Variants in UPF2 observed in about 807,000 individuals in gnomAD.
The protein encoded by UPF2 is UPF2 regulator of nonsense mediated mRNA decay.
UPF2 carries 17 observed loss-of-function variants against 141.4 expected under a neutral mutation model. That is an observed-to-expected ratio of 0.12 (90% CI 0.08 to 0.18). The LOEUF (loss-of-function observed/expected upper bound fraction) is 0.18. Ranked by LOEUF, UPF2 falls within the 10% of genes least tolerant of loss-of-function variation. UPF2 has a pLI of 1.00. For missense variants in UPF2, 1,152 were observed against 1,515.9 expected, an observed-to-expected ratio of 0.76 and a Z score of 3.99; for synonymous variants, 540 against 498.0, an observed-to-expected ratio of 1.08 and a Z score of -1.12.
chr10:11,931,985 C>T lies in UPF2; in HGVS notation c.3547-203G>A, dbSNP rs1365649516. 1.3e-5 allele frequency among the ~76,000 whole-genome samples: 2 copies of T among 152,098 alleles called. No individual in the cohort carries two copies. The highest frequency in any genetic ancestry group is 1.3e-4 in the Admixed American group (2 of 15,272). On this transcript the variant is annotated intron_variant, in intron 19 of 21. Transcript: ENST00000357604. The surrounding 1 kb of genome is among the most constrained non-coding windows in gnomAD (Gnocchi z 5.9). ...CCAACATGATGAAACCCCGTCTTTA[C>T]TAAAAACACAAAAATTAGCTGGGTG...
At position 12,035,247 on chromosome 10, in the gene UPF2, T is replaced by C; in HGVS notation, c.177A>G (p.Arg59=). 1 of 1,613,808 alleles carries C rather than the reference T, an allele frequency of 6.2e-7. No individual in the cohort carries two copies. The highest frequency in any genetic ancestry group is 1.7e-4 in the Middle Eastern group (1 of 6,060). The part of the protein sequence containing the change: ...VSKAPEDKKK[R]LEDDKRKKED... ...CCTTTTTTCTCTTATCATCTTCCAG[T>C]CTCTTCTTCTTGTCTTCAGGGGCCT... Residue 59 remains arginine, a synonymous_variant, in exon 2 of 22, where the codon AGA becomes AGG. Transcript: ENST00000357604.
chr10:11,959,244 T>C lies in UPF2; in HGVS notation c.2297A>G (p.Lys766Arg), dbSNP rs778268010. ...ATATTCCTGGAGAGGAGGACGTTTC[T>C]TTTTCACGGTTTTTTCAGCTGGAGG... is the stretch of plus-strand genomic sequence containing the variant. Reference protein sequence around the residue: ...NPPPAEKTVKKKRPPLQEYVR... With the variant: ...NPPPAEKTVKRKRPPLQEYVR... Residue 766 changes from lysine (K) to arginine (R), a missense_variant, in exon 12 of 22, where the codon AAG (lysine) becomes AGG (arginine). Lys to Arg is a conservative substitution (Grantham distance 26). Around this residue, in one of 4 missense-constraint regions of UPF2, gnomAD observed 739 missense variants for 1,032.2 expected, o/e 0.72. Transcript: ENST00000357604. This position sits in a 1 kb window ranked among gnomAD's most constrained non-coding sequence, Gnocchi z 5.9. The C allele has an allele frequency of 6.2e-7, 1 of 1,613,856 alleles. No homozygotes were observed. The highest frequency in any genetic ancestry group is 1.7e-5 in the Admixed American group (1 of 59,920).
Position 12,001,817 on chromosome 10 carries a change from CT to C in UPF2, c.1512del (p.Glu505AsnfsTer21). ...ESNKDDTKEA[K>X]ESKENKEVSS... The stretch of plus-strand genomic sequence containing the variant: ...GATACCTCCTTATTCTCCTTAGATT[CT>C]TTTGCCTCTGTTGAAAAACAAACAA... On this transcript the variant is annotated frameshift_variant, in exon 6 of 22. Transcript: ENST00000357604. LOFTEE classifies it high-confidence loss of function. The C allele has an allele frequency of 6.3e-7, 1 of 1,588,558 alleles. No homozygotes were observed.
chr10:11,981,615 G>A (rs1833595212), intron 8 of UPF2, among the ~76,000 whole-genome samples: 1 of 152,122 alleles, frequency 6.6e-6, no homozygotes, highest in African/African-American at 2.4e-5. Flanking sequence ...CTGTCACATG[G>A]AAAATGCACA....
intron 2 of UPF2, among the ~76,000 whole-genome samples, chr10:12,030,496 C>G (rs767837244): frequency 1.3e-4 from 19 of 151,464 alleles, no homozygotes; most frequent in Non-Finnish European, 2.2e-4. Flanking sequence ...GCCAAGATCT[C>G]CCAACTGCAC....
At chr10:11,985,232 T>C (rs757508399) in intron 8 of UPF2, among the ~76,000 whole-genome samples, 1 of 152,260 alleles carries the variant, frequency 6.6e-6, no homozygotes, top group Non-Finnish European at 1.5e-5. Flanking sequence ...ACCACCCTGC[T>C]CTATTTAAAT....
Position 12,019,345 on chromosome 10 carries a change from T to A in UPF2, c.1146-5161A>T, listed in dbSNP as rs1228857559. 2.0e-5 allele frequency among the ~76,000 whole-genome samples: 3 copies of A among 152,236 alleles called. No individual in the cohort carries two copies. The highest frequency in any genetic ancestry group is 6.5e-5 in the Admixed American group (1 of 15,282). On this transcript the variant is annotated intron_variant, in intron 3 of 21. Coordinates refer to ENST00000357604, the MANE Select transcript of UPF2 (RefSeq NM_015542.4). This position sits in a 1 kb window ranked among gnomAD's most constrained non-coding sequence, Gnocchi z 4.5. ...CACTGAAATTTGAACTTCAAATCAT[T>A]TTCATGCTTCCCAAAACATTCTACT...
intron 3 of UPF2, among the ~76,000 whole-genome samples, chr10:12,027,814 C>A (rs1477358713): frequency 2.0e-5 from 3 of 152,120 alleles, no homozygotes; most frequent in African/African-American, 7.2e-5. Flanking sequence ...CTACTTAAAC[C>A]ACTCCTCCCC....
rs556463819 is a variant in UPF2, at chr10:11,940,854, C to A, written c.3378+1811G>T. Among the ~76,000 whole-genome samples the A allele has an allele frequency of 1.3e-5, 2 of 152,118 alleles. No homozygotes were observed. The highest frequency in any genetic ancestry group is 4.1e-4 in the South Asian group (2 of 4,828). On this transcript the variant is annotated intron_variant, in intron 18 of 21. Transcript: ENST00000357604. This position sits in a 1 kb window ranked among gnomAD's most constrained non-coding sequence, Gnocchi z 4.2. ...TGCCCCGCCCTCTATTAGTGCTGGCCGCCTTTTAGTTTTTTAAATACAGGT... is the reference window on the plus strand; with the variant it reads ...TGCCCCGCCCTCTATTAGTGCTGGCAGCCTTTTAGTTTTTTAAATACAGGT...
In UPF2 at chr10:11,921,400, G is replaced by T; in HGVS notation, c.3810-93C>A. On this transcript the variant is annotated intron_variant, in intron 21 of 21. Coordinates refer to ENST00000357604, the MANE Select transcript of UPF2 (RefSeq NM_015542.4). The surrounding 1 kb of genome is among the most constrained non-coding windows in gnomAD (Gnocchi z 5.9). ...CTGCAACGCTACCCACCACCACCAAGTCACTCCCCCAAGTTACAGGTGGCC... is the reference window on the plus strand; with the variant it reads ...CTGCAACGCTACCCACCACCACCAATTCACTCCCCCAAGTTACAGGTGGCC... 2.0e-6 allele frequency: 3 copies of T among 1,517,384 alleles called. No individual in the cohort carries two copies. The highest frequency in any genetic ancestry group is 1.8e-6 in the Non-Finnish European group (2 of 1,097,182). The allele number at this position is 1,517,384 out of a possible 1,614,324, so 94.0% of individuals were successfully genotyped here.
intron 2 of UPF2, among the ~76,000 whole-genome samples, chr10:12,033,828 C>T (rs959835230): frequency 2.0e-5 from 3 of 152,210 alleles, no homozygotes; most frequent in East Asian, 3.9e-4. Context: ...GGTTTACAGG[C>T]GTGAACCACC....
chr10:12,003,883 T>C (rs1463642106), intron 5 of UPF2, among the ~76,000 whole-genome samples: 1 of 127,208 alleles, frequency 7.9e-6, no homozygotes, highest in African/African-American at 3.0e-5. Context: ...TGAGACCACA[T>C]GACTGCACTC....
intron 21 of UPF2, among the ~76,000 whole-genome samples, chr10:11,923,821 A>G (rs537405380): frequency 6.6e-6 from 1 of 152,360 alleles, no homozygotes; most frequent in East Asian, 1.9e-4. Context: ...CCTGGGCAAC[A>G]GAACAAGACT....
chr10:12,021,272 G>A (rs1182095920), intron 3 of UPF2, among the ~76,000 whole-genome samples: 3 of 151,698 alleles, frequency 2.0e-5, no homozygotes, highest in Non-Finnish European at 2.9e-5. Flanking sequence ...GCTCATGCCT[G>A]TAATCTCAGC....
At chr10:11,988,167 A>G (rs957790315) in intron 8 of UPF2, among the ~76,000 whole-genome samples, 5 of 152,222 alleles carry the variant, frequency 3.3e-5, no homozygotes, top group African/African-American at 4.8e-5. Context: ...GCTCAACGTC[A>G]TATGTCATTA....
chr10:11,975,329 A>G (rs1250165747), intron 9 of UPF2, among the ~76,000 whole-genome samples: 1 of 152,216 alleles, frequency 6.6e-6, no homozygotes, highest in Non-Finnish European at 1.5e-5. Flanking sequence ...TTTAGAGAAC[A>G]CAGAAAATTA....
intron 3 of UPF2, among the ~76,000 whole-genome samples, chr10:12,017,244 C>T (rs1051895363): frequency 1.3e-5 from 2 of 152,074 alleles, no homozygotes; most frequent in Non-Finnish European, 2.9e-5. Flanking sequence ...GAAAAGAAAT[C>T]GGAAAATATA....
chr10:11,969,813 T>A (rs1833385964), intron 9 of UPF2, among the ~76,000 whole-genome samples: 1 of 152,228 alleles, frequency 6.6e-6, no homozygotes. Flanking sequence ...TGTGTCTCAA[T>A]GTCCTTATCT....
rs1329162526 is a variant in UPF2, at chr10:12,025,952, C to G, written c.1145+2793G>C. ...GAGACTACAAGCGCATGCCACCACA[C>G]CCAGCTAATTTTTATATTTTTTGTA... is the stretch of plus-strand genomic sequence containing the variant. On this transcript the variant is annotated intron_variant, in intron 3 of 21. Coordinates refer to ENST00000357604, the MANE Select transcript of UPF2 (RefSeq NM_015542.4). Among the ~76,000 whole-genome samples the G allele has an allele frequency of 2.0e-5, 3 of 152,158 alleles. No homozygotes were observed. In the East Asian group the frequency reaches 5.8e-4, roughly 29 times the overall value.
Sources: allele counts gnomAD v4.1 joint callset (sites outside exome capture counted in the v4.1 genomes callset), GRCh38; gene constraint gnomAD v4.1.1; regional missense constraint gnomAD v4.1.1; non-coding constraint Gnocchi (gnomAD v3.1); transcripts MANE v1.5; gene names NCBI Gene and HGNC (gene_info 2026-07-23, HGNC 2026-07-21).